Variants in USH2A observed in about 807,000 individuals in gnomAD.
The protein encoded by USH2A is usherin, also known as Usher syndrome 2A (autosomal recessive, mild).
USH2A carries 443 observed loss-of-function variants against 538.9 expected under a neutral mutation model. The observed-to-expected ratio is 0.82, with a 90% CI of 0.76 to 0.89. The LOEUF (loss-of-function observed/expected upper bound fraction) is 0.89. USH2A is among the 40% of genes least tolerant of loss of function. The pLI is 0.00. For missense variants in USH2A, 6,633 were observed against 6,324.8 expected (o/e 1.05, Z -1.65); for synonymous variants, 2,413 against 2,273.5 (o/e 1.06, Z -1.75).
intron 35 of USH2A, among the ~76,000 whole-genome samples, chr1:215,972,284 C>T (rs1417960681): frequency 6.6e-6 from 1 of 152,168 alleles, no homozygotes; most frequent in East Asian, 1.9e-4. Flanking sequence ...GACAAAGCAC[C>T]TGCAGCCTCA....
At chr1:215,771,387 C>T (rs575019332) in intron 55 of USH2A, among the ~76,000 whole-genome samples, 2 of 150,304 alleles carry the variant, frequency 1.3e-5, no homozygotes, top group African/African-American at 4.9e-5. Flanking sequence ...GAGACCATCC[C>T]GGCTAAAACG....
chr1:215,713,098 C>T (rs1236933133), intron 61 of USH2A, among the ~76,000 whole-genome samples: 2 of 152,330 alleles, frequency 1.3e-5, no homozygotes, highest in East Asian at 1.9e-4. Flanking sequence ...TGAGCCACAG[C>T]GCCCGGCCAG....
intron 27 of USH2A, among the ~76,000 whole-genome samples, chr1:216,076,185 T>C (rs2031742950): frequency 6.6e-6 from 1 of 152,182 alleles, no homozygotes; most frequent in Admixed American, 6.5e-5. Context: ...GTGATGTCAA[T>C]GTATCTTGAA....
At position 215,698,003 on chromosome 1, in the gene USH2A, G is replaced by C. The variant is rs145146293; in HGVS notation, c.12067-17627C>G. Among the ~76,000 whole-genome samples, 4 of 152,154 alleles carry C rather than the reference G, an allele frequency of 2.6e-5. No homozygotes were observed. The East Asian group carries it at 7.8e-4, about 30-fold the overall frequency. On this transcript the variant is annotated intron_variant, in intron 61 of 71. Coordinates refer to ENST00000307340, the MANE Select transcript of USH2A (RefSeq NM_206933.4). ...TCTCCCCAGCCCCTGACAGGCCCCA[G>C]TGTGTGATGTTCCCCTCCCTGTGCC...
intron 9 of USH2A, among the ~76,000 whole-genome samples, chr1:216,293,673 C>A (rs1347293083): frequency 6.6e-6 from 1 of 152,188 alleles, no homozygotes; most frequent in Admixed American, 6.5e-5. Context: ...AATTCCTCTT[C>A]TTTTTTGAAT....
At chr1:215,864,245 A>C (rs994547848) in intron 44 of USH2A, among the ~76,000 whole-genome samples, 1 of 152,152 alleles carries the variant, frequency 6.6e-6, no homozygotes, top group African/African-American at 2.4e-5. Context: ...CCTAAGTTTG[A>C]GTTTGGGAAC....
chr1:216,195,220 T>G (rs1227960099), intron 19 of USH2A, among the ~76,000 whole-genome samples: 2 of 152,002 alleles, frequency 1.3e-5, no homozygotes, highest in Non-Finnish European at 2.9e-5. Context: ...AAAATGGAAG[T>G]GGATGTCTGA....
chr1:216,290,655 G>A (rs551881108), intron 10 of USH2A, among the ~76,000 whole-genome samples: 2 of 152,264 alleles, frequency 1.3e-5, no homozygotes, highest in Admixed American at 1.3e-4. Context: ...AAAGCATCAT[G>A]AGAGGATTTC....
intron 58 of USH2A, among the ~76,000 whole-genome samples, chr1:215,751,944 C>A (rs1185750680): frequency 6.6e-6 from 1 of 152,062 alleles, no homozygotes; most frequent in Non-Finnish European, 1.5e-5. Flanking sequence ...AATAGTGAAG[C>A]CCATTCCATG....
intron 13 of USH2A, among the ~76,000 whole-genome samples, chr1:216,233,191 A>T (rs569119681): frequency 2.7e-4 from 41 of 152,208 alleles, no homozygotes; most frequent in African/African-American, 8.4e-4. Context: ...CTACGTCTCT[A>T]GCTTTAGCTC....
chr1:216,110,177 AAAAACAAAAC>A (rs374433016), intron 21 of USH2A, among the ~76,000 whole-genome samples: 2 of 152,060 alleles, frequency 1.3e-5, no homozygotes, highest in Non-Finnish European at 2.9e-5. Context: ...TAAAAATAAC[AAAAACAAAAC>A]AAAACAAAAC....
At chr1:216,239,157 A>C (rs1305552462) in intron 13 of USH2A, among the ~76,000 whole-genome samples, 1 of 152,138 alleles carries the variant, frequency 6.6e-6, no homozygotes, top group African/African-American at 2.4e-5. Flanking sequence ...AAAAATAAAA[A>C]ATAAAAAATA....
intron 60 of USH2A, among the ~76,000 whole-genome samples, chr1:215,733,387 G>T (rs1660063790): frequency 6.6e-6 from 1 of 152,130 alleles, no homozygotes; most frequent in South Asian, 2.1e-4. Flanking sequence ...TTTAGCATGA[G>T]ATTTAGAGAG....
At chr1:215,678,095 A>G (rs1461490744) in intron 62 of USH2A, among the ~76,000 whole-genome samples, 1 of 152,184 alleles carries the variant, frequency 6.6e-6, no homozygotes, top group East Asian at 1.9e-4. Context: ...TGATTTCACA[A>G]CTGCTACTCT....
At chr1:215,902,297 G>A (rs931315782) in intron 38 of USH2A, among the ~76,000 whole-genome samples, 2 of 152,132 alleles carry the variant, frequency 1.3e-5, no homozygotes, top group African/African-American at 2.4e-5. Flanking sequence ...AGCTGTCTGT[G>A]AACAATGAGG....
intron 20 of USH2A, among the ~76,000 whole-genome samples, chr1:216,183,070 C>T (rs1317490069): frequency 6.6e-6 from 1 of 152,030 alleles, no homozygotes; most frequent in Non-Finnish European, 1.5e-5. Context: ...TATTATTTAT[C>T]ACAGCCACTT....
intron 15 of USH2A, among the ~76,000 whole-genome samples, chr1:216,213,472 G>C (rs557142142): frequency 1.3e-5 from 2 of 151,950 alleles, no homozygotes; most frequent in African/African-American, 2.4e-5. Context: ...TAATTCAATG[G>C]GGAAAGGATG....
At chr1:215,967,494 T>G (rs911654080) in intron 36 of USH2A, among the ~76,000 whole-genome samples, 20 of 152,156 alleles carry the variant, frequency 1.3e-4, no homozygotes, top group African/African-American at 4.8e-4. Flanking sequence ...ATAAAACTCT[T>G]GCAATGCGCC....
intron 13 of USH2A, among the ~76,000 whole-genome samples, chr1:216,244,825 C>CA (rs1292362704): frequency 1.3e-5 from 2 of 151,970 alleles, no homozygotes; most frequent in African/African-American, 4.8e-5. Context: ...AGAGTTTTTC[C>CA]AAAATCAGAA....
Sources: allele counts gnomAD v4.1 joint callset (sites outside exome capture counted in the v4.1 genomes callset), GRCh38; gene constraint gnomAD v4.1.1; transcripts MANE v1.5; gene names NCBI Gene and HGNC (gene_info 2026-07-23, HGNC 2026-07-21).